Variants in TRIM72 observed in about 807,000 individuals in gnomAD.
TRIM72 encodes the protein tripartite motif-containing protein 72.
In TRIM72, 33 loss-of-function variants were observed where a neutral mutation model predicts 31.6. The ratio of observed to expected loss-of-function variants is 1.04; its 90% CI spans 0.79 to 1.40. TRIM72 has a LOEUF of 1.40. Ranked by LOEUF, TRIM72 falls within the 40% of genes most tolerant of loss-of-function variation. The pLI, the probability that TRIM72 is intolerant of heterozygous loss-of-function variation, is 0.00. For missense variants in TRIM72, 666 were observed against 682.7 expected (o/e 0.98, Z 0.27); for synonymous variants, 301 against 314.4 (o/e 0.96, Z 0.45).
chr16:31,220,649 T>G (rs999254631), intron 4 of TRIM72, among the ~76,000 whole-genome samples: 2 of 151,490 alleles, frequency 1.3e-5, no homozygotes, highest in Non-Finnish European at 2.9e-5. Context: ...TTTTGTATTT[T>G]TAGTAGAGAT....
At position 31,225,994 on chromosome 16, in the gene TRIM72, G is replaced by T. The variant is rs2079554264; in HGVS notation, c.*1239G>T. The T allele has an allele frequency of 6.6e-6, 1 of 151,436 alleles. No homozygotes were observed. 9.4% of individuals were successfully genotyped at this position (151,436 alleles called of 1,614,324 possible). On this transcript the variant is annotated 3_prime_UTR_variant, in exon 7 of 7. Coordinates refer to ENST00000322122, the MANE Select transcript of TRIM72 (RefSeq NM_001008274.4). ...TTTTAATTTAGTTTTTGTAGAAATG[G>T]TGTCTCGTTACATTGCCCAGGCTGA...
rs754536847 is a variant in TRIM72 at position 31,222,852 on chromosome 16, C to T, written c.766C>T (p.Pro256Ser). Residue 256 changes from proline to serine, a missense_variant, in exon 6 of 7, where the codon CCC (proline) becomes TCC (serine). Transcript: ENST00000322122. Reference sequence around the variant, plus strand: ...GCTGCAGAAGATCCTGGCAGAGTCTCCCCCACCCGCCCGTCTGGACATCCA... The same window carrying T: ...GCTGCAGAAGATCCTGGCAGAGTCTTCCCCACCCGCCCGTCTGGACATCCA... Reference protein sequence around the residue: ...SRLQKILAESPPPARLDIQLP... With the variant: ...SRLQKILAESSPPARLDIQLP... 7.3e-7 allele frequency: 1 copy of T among 1,378,296 alleles called. No individual in the cohort carries two copies. The highest frequency in any genetic ancestry group is 4.2e-5 in the East Asian group (1 of 23,666). 85.4% of individuals were successfully genotyped at this position (1,378,296 alleles called of 1,614,324 possible).
Position 31,216,499 on chromosome 16 carries a change from G to C in TRIM72, c.390+1371G>C, listed in dbSNP as rs1380851004. 1 of 469,770 alleles carries C rather than the reference G, an allele frequency of 2.1e-6. No individual in the cohort carries two copies. Among genetic ancestry groups the C allele is most frequent in the African/African-American group, 2.0e-5 (1 of 50,356 alleles). The allele number at this position is 469,770 out of a possible 1,614,324, so 29.1% of individuals were successfully genotyped here. A position where few individuals can be genotyped will look rare whatever the true frequency, so the allele number is the denominator to read the frequency against. On this transcript the variant is annotated intron_variant, in intron 2 of 6. Transcript: ENST00000322122. The surrounding 1 kb of genome is among the most constrained non-coding windows in gnomAD (Gnocchi z 6.7). ...TTGCCCGTCTTTATCTGCGAAGAAAGCACAGAACCCATGAAACGGAACAGG... is the reference window on the plus strand; with the variant it reads ...TTGCCCGTCTTTATCTGCGAAGAAACCACAGAACCCATGAAACGGAACAGG...
intron 5 of TRIM72, 32 bp downstream of exon 5, chr16:31,220,950 G>A (rs746559123): frequency 3.7e-6 from 6 of 1,613,930 alleles, no homozygotes; most frequent in Non-Finnish European, 3.4e-6. Context: ...CCCTTTGCCC[G>A]ACTTGTCCCA....
At chr16:31,221,687 A>C (rs1222864185) in intron 5 of TRIM72, among the ~76,000 whole-genome samples, 1 of 117,556 alleles carries the variant, frequency 8.5e-6, no homozygotes, top group Non-Finnish European at 1.7e-5. Flanking sequence ...TGGGAGAAGA[A>C]GGGCATTGTG....
rs1650546524 is a variant in TRIM72 at position 31,216,492 on chromosome 16, G to A, written c.390+1364G>A. The A allele has an allele frequency of 2.4e-6, 1 of 412,526 alleles. No individual in the cohort carries two copies. Among genetic ancestry groups the A allele is most frequent in the African/African-American group, 2.0e-5 (1 of 48,818 alleles). The allele number at this position is 412,526 out of a possible 1,614,324, so 25.6% of individuals were successfully genotyped here. On this transcript the variant is annotated intron_variant, in intron 2 of 6. Transcript: ENST00000322122. The surrounding 1 kb of genome is among the most constrained non-coding windows in gnomAD (Gnocchi z 6.7). Reference sequence around the variant, plus strand: ...CCCAACCTTGCCCGTCTTTATCTGCGAAGAAAGCACAGAACCCATGAAACG... The same window carrying A: ...CCCAACCTTGCCCGTCTTTATCTGCAAAGAAAGCACAGAACCCATGAAACG...
chr16:31,221,212 G>T (rs1052064699), intron 5 of TRIM72, among the ~76,000 whole-genome samples: 3 of 152,232 alleles, frequency 2.0e-5, no homozygotes, highest in Non-Finnish European at 4.4e-5. Flanking sequence ...TGTTTGAGTT[G>T]GGGCCTGGAG....
Position 31,219,497 on chromosome 16 carries a change from A to C in TRIM72, c.695A>C (p.Lys232Thr), listed in dbSNP as rs2079524668. 6.2e-7 allele frequency: 1 copy of C among 1,611,536 alleles called. No homozygotes were observed. Among genetic ancestry groups the C allele is most frequent in the Non-Finnish European group, 8.5e-7 (1 of 1,179,150 alleles). The change falls in exon 4 of 7, where the codon AAG becomes ACG. Residue 232 changes from lysine to threonine, a missense_variant. Coordinates refer to ENST00000322122, the MANE Select transcript of TRIM72 (RefSeq NM_001008274.4). This position sits in a 1 kb window ranked among gnomAD's most constrained non-coding sequence, Gnocchi z 4.2. ...MEKVLEEVAD[K>T]PQTEFLMKYC... Reference sequence around the variant, plus strand: ...AAGGTCCTGGAGGAGGTGGCGGACAAGCCGCAGACTGAGTTCCTCATGGTG... The same window carrying C: ...AAGGTCCTGGAGGAGGTGGCGGACACGCCGCAGACTGAGTTCCTCATGGTG...
At position 31,231,535 on chromosome 16, in the gene TRIM72, A is replaced by G. The variant is rs2079569764; in HGVS notation, c.*6780A>G. 1 of 152,160 alleles carries G rather than the reference A, an allele frequency of 6.6e-6. No homozygotes were observed. Among genetic ancestry groups the G allele is most frequent in the Non-Finnish European group, 1.5e-5 (1 of 68,094 alleles). The allele number at this position is 152,160 out of a possible 1,614,324, so 9.4% of individuals were successfully genotyped here. On this transcript the variant is annotated 3_prime_UTR_variant, in exon 7 of 7. Transcript: ENST00000322122. ...GTTCCCATTAAAACAAACATAGAGT[A>G]CAGAATCTGTGTGAATTTTCAAGCT...
chr16:31,227,555 G>T lies in TRIM72; in HGVS notation c.*2800G>T, dbSNP rs1278057811. The T allele has an allele frequency of 6.6e-6, 1 of 152,048 alleles. No individual in the cohort carries two copies. Among genetic ancestry groups the T allele is most frequent in the Non-Finnish European group, 1.5e-5 (1 of 68,022 alleles). The allele number at this position is 152,048 out of a possible 1,614,324, so 9.4% of individuals were successfully genotyped here. On this transcript the variant is annotated 3_prime_UTR_variant, in exon 7 of 7. Coordinates refer to ENST00000322122, the MANE Select transcript of TRIM72 (RefSeq NM_001008274.4). ...GCTGGTCTCGAACTCCTGACCTCAG[G>T]TGATCCACCCATTTTGGCCTCCCAA...
Position 31,228,237 on chromosome 16 carries a change from G to GC in TRIM72, c.*3484dup, listed in dbSNP as rs1454156008. 4 of 151,472 alleles carry GC rather than the reference G, an allele frequency of 2.6e-5. No individual in the cohort carries two copies. The highest frequency in any genetic ancestry group is 4.4e-5 in the Non-Finnish European group (3 of 67,884). The allele number at this position is 151,472 out of a possible 1,614,324, so 9.4% of individuals were successfully genotyped here. ...AGTACTAGGATTACAGGCTTGAACC[G>GC]CCGCGCCCAGCCCCAGCTTCATCTT... On this transcript the variant is annotated 3_prime_UTR_variant, in exon 7 of 7. Transcript: ENST00000322122.
rs1236083406 is a variant in TRIM72, at chr16:31,219,187, G to A, written c.483G>A (p.Val161=). ...TGCTGGAGCATCAGCTGGTGGAGGT[G>A]GAGGTGAGGACTTCACAGGGCCATG... The part of the protein sequence containing the change: ...VAVLEHQLVE[V]EETVRQFRGA... The change falls in exon 3 of 7, where the codon GTG becomes GTA. Residue 161 remains valine (V), a synonymous_variant. Transcript: ENST00000322122. The surrounding 1 kb of genome is among the most constrained non-coding windows in gnomAD (Gnocchi z 4.2). The A allele has an allele frequency of 6.8e-6, 11 of 1,613,158 alleles. No individual in the cohort carries two copies. The highest frequency in any genetic ancestry group is 3.3e-5 in the South Asian group (3 of 90,952).
chr16:31,218,869 A>G (rs1171418521), intron 2 of TRIM72, among the ~76,000 whole-genome samples: 1 of 152,102 alleles, frequency 6.6e-6, no homozygotes, highest in Non-Finnish European at 1.5e-5. Context: ...CACCAAAATA[A>G]ATAAATAAAA....
Position 31,224,570 on chromosome 16 carries a change from C to T in TRIM72, c.1249C>T (p.Leu417=), listed in dbSNP as rs749928208. ...ERRPTRIGLY[L]SFGDGVLSFY... Reference sequence around the variant, plus strand: ...GCGGCCCACGCGCATTGGCCTTTACCTGAGCTTCGGCGACGGCGTCCTCTC... The same window carrying T: ...GCGGCCCACGCGCATTGGCCTTTACTTGAGCTTCGGCGACGGCGTCCTCTC... Residue 417 remains leucine, a synonymous_variant, in exon 7 of 7, where the codon CTG becomes TTG. Transcript: ENST00000322122. The T allele has an allele frequency of 2.3e-5, 36 of 1,549,588 alleles. No homozygotes were observed. Among genetic ancestry groups the T allele is most frequent in the Non-Finnish European group, 2.9e-5 (34 of 1,153,002 alleles).
intron 5 of TRIM72, among the ~76,000 whole-genome samples, chr16:31,221,162 G>A (rs1370251211): frequency 6.6e-6 from 1 of 152,240 alleles, no homozygotes; most frequent in Non-Finnish European, 1.5e-5. Flanking sequence ...TGTGCTCAGT[G>A]TGGCCGTTGA....
chr16:31,222,103 T>C (rs537352374), intron 5 of TRIM72, among the ~76,000 whole-genome samples: 2 of 151,832 alleles, frequency 1.3e-5, no homozygotes, highest in Non-Finnish European at 2.9e-5. Context: ...TAAAAGAAAA[T>C]GTAGTTGGGC....
chr16:31,220,985 C>T (rs1020524717), intron 5 of TRIM72, 67 bp downstream of exon 5: 1 of 1,592,272 alleles, frequency 6.3e-7, no homozygotes, highest in African/African-American at 1.3e-5. Context: ...CCAGCCGGCT[C>T]ACTCTCCACT....
In TRIM72 at chr16:31,224,535, GC is replaced by G; in HGVS notation, c.1218del (p.Glu407ArgfsTer11). ...VEAKEPRALRSPERRPTRIGL... is the reference protein window; with the variant it reads ...VEAKEPRALRXPERRPTRIGL... ...GCCAAGGAGCCGCGCGCTCTGCGCA[GC>G]CCCGAGAGGCGGCCCACGCGCATTG... is the stretch of plus-strand genomic sequence containing the variant. On this transcript the variant is annotated frameshift_variant, in exon 7 of 7. Transcript: ENST00000322122. LOFTEE classifies it low-confidence loss of function (END_TRUNC). The G allele has an allele frequency of 6.6e-7, 1 of 1,522,074 alleles. No individual in the cohort carries two copies. Among genetic ancestry groups the G allele is most frequent in the South Asian group, 1.2e-5 (1 of 82,102 alleles). 94.3% of individuals were successfully genotyped at this position (1,522,074 alleles called of 1,614,324 possible).
Position 31,224,691 on chromosome 16 carries a change from G to C in TRIM72, c.1370G>C (p.Trp457Ser), listed in dbSNP as rs1347465972. 2.6e-6 allele frequency: 4 copies of C among 1,545,808 alleles called. No homozygotes were observed. Among genetic ancestry groups the C allele is most frequent in the South Asian group, 1.2e-5 (1 of 84,936 alleles). ...RPVYPFFDVCWHDKGKNAQPL... is the reference protein window; with the variant it reads ...RPVYPFFDVCSHDKGKNAQPL... ...GTGTACCCCTTCTTCGACGTGTGCT[G>C]GCACGACAAGGGCAAGAATGCCCAG... is the stretch of plus-strand genomic sequence containing the variant. The change falls in exon 7 of 7, where the codon TGG becomes TCG. Residue 457 changes from tryptophan (W) to serine (S), a missense_variant. Trp to Ser is a radical substitution (Grantham distance 177, BLOSUM62 -3). Coordinates refer to ENST00000322122, the MANE Select transcript of TRIM72 (RefSeq NM_001008274.4).
Sources: gnomAD v4.1 joint callset for allele counts (sites outside exome capture counted in the v4.1 genomes callset) on GRCh38, gnomAD v4.1.1 for gene constraint, Gnocchi (gnomAD v3.1) non-coding constraint, MANE v1.5 for transcripts, NCBI Gene and HGNC (gene_info 2026-07-23, HGNC 2026-07-21) for gene names.